The following NOS1AP variants were observed in gnomAD, a reference collection of about 807,000 sequenced individuals.
NOS1AP encodes the protein nitric oxide synthase 1 adaptor protein.
A neutral mutation model predicts 56.2 loss-of-function variants in NOS1AP; 21 were observed. The ratio of observed to expected loss-of-function variants is 0.37; its 90% CI spans 0.26 to 0.54. The LOEUF is 0.54. Ranked by LOEUF, NOS1AP falls within the 20% of genes least tolerant of loss-of-function variation. The probability of loss-of-function intolerance (pLI) is 0.84; values close to 1 mark genes in which losing one functional copy is unlikely to be tolerated. For synonymous variants in NOS1AP, 270 were observed against 274.6 expected (o/e 0.98, Z 0.17); for missense variants, 522 against 657.8 (o/e 0.79, Z 2.26).
At chr1:162,341,881 G>A (rs1027682867) in intron 5 of NOS1AP, among the ~76,000 whole-genome samples, 12 of 152,180 alleles carry the variant, frequency 7.9e-5, no homozygotes, top group Non-Finnish European at 1.2e-4. Context: ...GTAGAAAGCT[G>A]GAGTGTTCCT....
At chr1:162,232,975 G>C (rs1455618808) in intron 2 of NOS1AP, among the ~76,000 whole-genome samples, 1 of 152,120 alleles carries the variant, frequency 6.6e-6, no homozygotes, top group Non-Finnish European at 1.5e-5. Context: ...AAGAGGATGA[G>C]GCAGAATTCA....
intron 1 of NOS1AP, among the ~76,000 whole-genome samples, chr1:162,095,416 G>T (rs983800424): frequency 4.6e-5 from 7 of 152,190 alleles, no homozygotes; most frequent in Admixed American, 1.3e-4. Context: ...TCAGTCTTCA[G>T]AACTGGGAGG....
rs1291986171 is a variant in NOS1AP, at chr1:162,312,030, C to T, written c.344+11324C>T. Among the ~76,000 whole-genome samples the T allele has an allele frequency of 1.4e-4, 20 of 143,272 alleles. No individual in the cohort carries two copies. The Admixed American group carries it at 1.4e-3, about 10-fold the overall frequency. 94.0% of individuals were successfully genotyped at this position (143,272 alleles called of 152,430 possible). On this transcript the variant is annotated intron_variant, in intron 4 of 9. Transcript: ENST00000361897. ...CAAGTCTTTGCTATTGTGAATAATG[C>T]CGCAATAAACATACGTGTGCATGTG...
chr1:162,146,447 G>C (rs1558121585), intron 1 of NOS1AP, among the ~76,000 whole-genome samples: 1 of 152,072 alleles, frequency 6.6e-6, no homozygotes, highest in Non-Finnish European at 1.5e-5. Flanking sequence ...CTTCCCCTCT[G>C]TGACTCCCTC....
In NOS1AP at chr1:162,217,267, C is replaced by CTTTTTT. The variant is rs61378473; in HGVS notation, c.177+62800_177+62805dup. 5.6e-4 allele frequency among the ~76,000 whole-genome samples: 38 copies of CTTTTTT among 68,400 alleles called. 7 individuals carry two copies. Among genetic ancestry groups the CTTTTTT allele is most frequent in the East Asian group, 1.6e-3 (3 of 1,840 alleles). The allele number at this position is 68,400 out of a possible 152,430, so 44.9% of individuals were successfully genotyped here. Reference sequence around the variant, plus strand: ...TGGGTCCTGAAACAGCTGTTGTTAGCTTTTTTTTTTTTTTGAGATGAAGTC... The same window carrying CTTTTTT: ...TGGGTCCTGAAACAGCTGTTGTTAGCTTTTTTTTTTTTTTTTTTTTGAGATGAAGTC... On this transcript the variant is annotated intron_variant, in intron 2 of 9. Transcript: ENST00000361897.
At chr1:162,339,118 AT>A (rs1314876389) in intron 5 of NOS1AP, among the ~76,000 whole-genome samples, 1 of 152,130 alleles carries the variant, frequency 6.6e-6, no homozygotes, top group Admixed American at 6.5e-5. Flanking sequence ...TTCCAGCTGT[AT>A]TTTCACAAAA....
intron 4 of NOS1AP, among the ~76,000 whole-genome samples, chr1:162,324,487 C>T (rs1656522051): frequency 7.3e-6 from 1 of 137,820 alleles, no homozygotes; most frequent in Admixed American, 7.6e-5. Flanking sequence ...TAATTTATCC[C>T]AGTACTTGGC....
intron 1 of NOS1AP, among the ~76,000 whole-genome samples, chr1:162,116,180 G>A (rs752502626): frequency 8.5e-5 from 13 of 152,148 alleles, no homozygotes; most frequent in Non-Finnish European, 1.8e-4. Context: ...CTCCAGAAGC[G>A]GGGTCGTGAC....
intron 2 of NOS1AP, among the ~76,000 whole-genome samples, chr1:162,155,306 A>G (rs868668613): frequency 2.1e-5 from 3 of 145,856 alleles, no homozygotes; most frequent in South Asian, 2.2e-4. Flanking sequence ...ATGTATATGT[A>G]TGTGTATATA....
chr1:162,165,639 C>T (rs1238691842), intron 2 of NOS1AP, among the ~76,000 whole-genome samples: 1 of 152,142 alleles, frequency 6.6e-6, no homozygotes, highest in African/African-American at 2.4e-5. Flanking sequence ...GGCAAGACTC[C>T]AGTCTGCTTA....
chr1:162,293,062 AGGAAT>A (rs758817435), intron 3 of NOS1AP, among the ~76,000 whole-genome samples: 1 of 152,142 alleles, frequency 6.6e-6, no homozygotes, highest in African/African-American at 2.4e-5. Context: ...CAGGCCTATT[AGGAAT>A]TGTGCACATG....
At chr1:162,234,945 C>G (rs990606364) in intron 2 of NOS1AP, among the ~76,000 whole-genome samples, 4 of 152,166 alleles carry the variant, frequency 2.6e-5, no homozygotes, top group African/African-American at 9.7e-5. Flanking sequence ...TCCAACCCCT[C>G]GCTGGTTGTT....
At chr1:162,149,913 C>T (rs1239201185) in intron 1 of NOS1AP, among the ~76,000 whole-genome samples, 1 of 152,182 alleles carries the variant, frequency 6.6e-6, no homozygotes, top group Admixed American at 6.5e-5. Flanking sequence ...GCATGCAATG[C>T]ATAATAGTCA....
At chr1:162,199,559 T>C (rs1651916504) in intron 2 of NOS1AP, among the ~76,000 whole-genome samples, 1 of 151,722 alleles carries the variant, frequency 6.6e-6, no homozygotes, top group Non-Finnish European at 1.5e-5. Flanking sequence ...CTCCTGAAAA[T>C]TTCCCTGATA....
At chr1:162,364,718 A>G in intron 8 of NOS1AP, 7 of 985,758 alleles carry the variant, frequency 7.1e-6, no homozygotes, top group Non-Finnish European at 8.4e-6. Context: ...TCCTGGTAAT[A>G]TGTGGTATGA....
chr1:162,136,168 G>A (rs1450126723), intron 1 of NOS1AP, among the ~76,000 whole-genome samples: 1 of 152,174 alleles, frequency 6.6e-6, no homozygotes, highest in Non-Finnish European at 1.5e-5. Flanking sequence ...TCACAGGGAA[G>A]AAAATGCAAT....
intron 8 of NOS1AP, among the ~76,000 whole-genome samples, chr1:162,358,644 A>C (rs1473986768): frequency 3.3e-5 from 5 of 152,212 alleles, no homozygotes; most frequent in East Asian, 1.9e-4. Flanking sequence ...TCCCCTCCCT[A>C]GTGTGACAGT....
intron 1 of NOS1AP, among the ~76,000 whole-genome samples, chr1:162,142,693 G>A (rs1354306917): frequency 1.3e-5 from 2 of 152,144 alleles, no homozygotes; most frequent in African/African-American, 4.8e-5. Flanking sequence ...AGTGTAGGAA[G>A]TTTTAGAAAA....
At chr1:162,285,765 C>T (rs1655070377) in intron 2 of NOS1AP, among the ~76,000 whole-genome samples, 1 of 152,154 alleles carries the variant, frequency 6.6e-6, no homozygotes, top group Non-Finnish European at 1.5e-5. Flanking sequence ...GTTTGCTCTT[C>T]TTCCAGGGCC....
Sources: gnomAD v4.1 joint callset for allele counts (sites outside exome capture counted in the v4.1 genomes callset) on GRCh38, gnomAD v4.1.1 for gene constraint, MANE v1.5 for transcripts, NCBI Gene and HGNC (gene_info 2026-07-23, HGNC 2026-07-21) for gene names.